Variants in CDH4 observed in about 807,000 individuals in gnomAD.
The protein encoded by CDH4 is cadherin 4.
A neutral mutation model predicts 86.0 loss-of-function variants in CDH4; 33 were observed. That is an observed-to-expected ratio of 0.38 (90% CI 0.29 to 0.51). The LOEUF (loss-of-function observed/expected upper bound fraction) is 0.51, where lower values mean the gene tolerates loss of function less well. CDH4 is among the 20% of genes least tolerant of loss of function. The pLI is 0.86. For synonymous variants in CDH4, 555 were observed against 549.4 expected, an observed-to-expected ratio of 1.01 and a Z score of -0.14; for missense variants, 1,114 against 1,307.4, an observed-to-expected ratio of 0.85 and a Z score of 2.28.
intron 2 of CDH4, among the ~76,000 whole-genome samples, chr20:61,494,379 T>C (rs2085644993): frequency 6.6e-6 from 1 of 152,182 alleles, no homozygotes; most frequent in Non-Finnish European, 1.5e-5. Context: ...TAAATGAATC[T>C]TTATATTTGA....
intron 2 of CDH4, among the ~76,000 whole-genome samples, chr20:61,568,658 TC>T (rs946750354): frequency 2.6e-5 from 4 of 152,210 alleles, no homozygotes; most frequent in Non-Finnish European, 5.9e-5. Context: ...CACTTGCTGT[TC>T]CTTCTGCCCA....
chr20:61,297,455 G>A (rs2084362308), intron 2 of CDH4, among the ~76,000 whole-genome samples: 1 of 152,214 alleles, frequency 6.6e-6, no homozygotes, highest in Admixed American at 6.5e-5. Flanking sequence ...CCTATATTTG[G>A]TATAAAGTAA....
intron 2 of CDH4, among the ~76,000 whole-genome samples, chr20:61,568,301 A>G (rs936138921): frequency 8.5e-5 from 13 of 152,178 alleles, no homozygotes; most frequent in Admixed American, 6.5e-5. Flanking sequence ...TGCTCTTCTC[A>G]TGATAGTAAG....
At chr20:61,789,599 T>G (rs191427810) in intron 4 of CDH4, among the ~76,000 whole-genome samples, 1 of 152,264 alleles carries the variant, frequency 6.6e-6, no homozygotes, top group East Asian at 1.9e-4. Flanking sequence ...GAGAGGAAAT[T>G]GTTGATGTGC....
chr20:61,268,830 G>A (rs2084169617), intron 2 of CDH4, among the ~76,000 whole-genome samples: 2 of 152,162 alleles, frequency 1.3e-5, no homozygotes, highest in Non-Finnish European at 1.5e-5. Flanking sequence ...ACAGCCTGCA[G>A]AACCATGCGC....
At chr20:61,904,392 C>A (rs942392691) in intron 8 of CDH4, among the ~76,000 whole-genome samples, 2 of 152,102 alleles carry the variant, frequency 1.3e-5, no homozygotes, top group African/African-American at 4.8e-5. Flanking sequence ...TGGGGACTCT[C>A]CGGCAGCTTC....
At chr20:61,515,829 C>G (rs867059999) in intron 2 of CDH4, among the ~76,000 whole-genome samples, 5 of 152,300 alleles carry the variant, frequency 3.3e-5, no homozygotes, top group Middle Eastern at 6.8e-3. Context: ...CTAGCTCGCT[C>G]TCTCTCACTC....
At chr20:61,459,210 GT>G (rs2085428395) in intron 2 of CDH4, among the ~76,000 whole-genome samples, 1 of 151,978 alleles carries the variant, frequency 6.6e-6, no homozygotes, top group Non-Finnish European at 1.5e-5. Context: ...TCTCCAGAAG[GT>G]TGGTCCTGTG....
At chr20:61,783,886 T>G (rs78055686) in intron 4 of CDH4, among the ~76,000 whole-genome samples, 149 of 9,410 alleles carry the variant, frequency 0.016, 5 homozygotes, top group African/African-American at 0.034. Flanking sequence ...AGAAATGTAA[T>G]CCCAGTTCCT....
At chr20:61,766,322 TG>T (rs2088698043) in intron 3 of CDH4, among the ~76,000 whole-genome samples, 1 of 152,074 alleles carries the variant, frequency 6.6e-6, no homozygotes. Flanking sequence ...CGAGTTCGCC[TG>T]CCCCCCAGCC....
At chr20:61,659,773 G>A (rs543009048) in intron 2 of CDH4, among the ~76,000 whole-genome samples, 2 of 151,680 alleles carry the variant, frequency 1.3e-5, no homozygotes, top group African/African-American at 4.8e-5. Context: ...GGCAGGAGGA[G>A]GGGTGGGCCT....
At chr20:61,414,613 G>A (rs923394194) in intron 2 of CDH4, among the ~76,000 whole-genome samples, 1 of 152,226 alleles carries the variant, frequency 6.6e-6, no homozygotes, top group Non-Finnish European at 1.5e-5. Context: ...AAGCACAGCA[G>A]GAAGCGGCCG....
intron 6 of CDH4, among the ~76,000 whole-genome samples, chr20:61,858,651 T>C (rs1387685831): frequency 1.3e-5 from 2 of 152,258 alleles, no homozygotes; most frequent in East Asian, 3.8e-4. Flanking sequence ...AAGGATACTA[T>C]AGAAATGGAA....
intron 2 of CDH4, among the ~76,000 whole-genome samples, chr20:61,285,231 C>T (rs2084286936): frequency 6.6e-6 from 1 of 152,212 alleles, no homozygotes; most frequent in Admixed American, 6.5e-5. Context: ...GAAAACAGAC[C>T]AGAAAGCCCG....
chr20:61,285,400 C>T (rs1306531730), intron 2 of CDH4, among the ~76,000 whole-genome samples: 2 of 150,660 alleles, frequency 1.3e-5, no homozygotes, highest in Non-Finnish European at 2.9e-5. Context: ...AGGAGTGTAG[C>T]ATAGAGCAGG....
chr20:61,733,269 A>G (rs892506235), intron 2 of CDH4, among the ~76,000 whole-genome samples: 19 of 152,094 alleles, frequency 1.2e-4, no homozygotes, highest in African/African-American at 4.3e-4. Context: ...GCAGCCATTT[A>G]CATGCCCAGG....
chr20:61,631,861 G>A (rs2086891790), intron 2 of CDH4, among the ~76,000 whole-genome samples: 1 of 152,212 alleles, frequency 6.6e-6, no homozygotes, highest in Non-Finnish European at 1.5e-5. Context: ...AGTGAATGGG[G>A]CCCTCAGGAG....
intron 2 of CDH4, among the ~76,000 whole-genome samples, chr20:61,584,425 A>G (rs1297625515): frequency 2.0e-5 from 3 of 151,966 alleles, no homozygotes; most frequent in African/African-American, 4.8e-5. Flanking sequence ...GACCGCATGC[A>G]TTTCCTTCCT....
chr20:61,414,869 G>A (rs550202237), intron 2 of CDH4, among the ~76,000 whole-genome samples: 12 of 152,296 alleles, frequency 7.9e-5, no homozygotes, highest in African/African-American at 2.9e-4. Context: ...GTCTGGACTC[G>A]TCCTCTTCAG....
Sources: allele counts gnomAD v4.1 joint callset (sites outside exome capture counted in the v4.1 genomes callset), GRCh38; gene constraint gnomAD v4.1.1; transcripts MANE v1.5; gene names NCBI Gene and HGNC (gene_info 2026-07-23, HGNC 2026-07-21).